CCDC102B: variants seen among roughly 807,000 people sequenced by gnomAD.
The protein encoded by CCDC102B is coiled-coil domain containing 102B.
Under a neutral mutation model 57.4 loss-of-function variants are expected in CCDC102B, and 75 were observed. The observed-to-expected ratio is 1.31, with a 90% CI of 1.08 to 1.58. CCDC102B has a LOEUF of 1.58. Ranked by LOEUF, CCDC102B falls within the 40% of genes most tolerant of loss-of-function variation. The pLI, the probability that CCDC102B is intolerant of heterozygous loss-of-function variation, is 0.00. For missense variants in CCDC102B, 636 were observed against 582.6 expected, an observed-to-expected ratio of 1.09 and a Z score of -0.94; for synonymous variants, 206 against 201.9, an observed-to-expected ratio of 1.02 and a Z score of -0.17.
chr18:68,843,064 C>A (rs1011228249), intron 3 of CCDC102B, among the ~76,000 whole-genome samples: 2 of 152,118 alleles, frequency 1.3e-5, no homozygotes, highest in South Asian at 2.1e-4. Context: ...AAACACTTAT[C>A]TTTTCTAATT....
chr18:68,854,597 A>G (rs35680776), intron 4 of CCDC102B, among the ~76,000 whole-genome samples: 44,337 of 152,082 alleles, frequency 0.29, 6,903 homozygotes, highest in Non-Finnish European at 0.34. Context: ...TGCAGAAGTG[A>G]TTATACACAC....
intron 4 of CCDC102B, among the ~76,000 whole-genome samples, chr18:68,850,913 C>A (rs1468854931): frequency 6.6e-6 from 1 of 152,078 alleles, no homozygotes; most frequent in East Asian, 1.9e-4. Flanking sequence ...AAAAAATAGT[C>A]TCTGTCCAAA....
At chr18:68,968,239 T>A (rs753995699) in intron 6 of CCDC102B, among the ~76,000 whole-genome samples, 14 of 152,216 alleles carry the variant, frequency 9.2e-5, no homozygotes, top group Non-Finnish European at 2.1e-4. Context: ...CTGGGTAAAG[T>A]CATATTTCTG....
intron 2 of CCDC102B, among the ~76,000 whole-genome samples, chr18:68,790,624 C>A (rs200523359): frequency 3.3e-5 from 5 of 152,080 alleles, no homozygotes; most frequent in Non-Finnish European, 7.4e-5. Context: ...TTCTTTGACT[C>A]GGAAAGGGAA....
intron 7 of CCDC102B, among the ~76,000 whole-genome samples, chr18:69,017,236 C>A (rs1349308859): frequency 2.0e-5 from 3 of 152,096 alleles, no homozygotes; most frequent in Admixed American, 6.5e-5. Flanking sequence ...CCACCTCAGC[C>A]CCGCAAATAG....
chr18:69,040,162 A>G (rs541239770), intron 7 of CCDC102B, among the ~76,000 whole-genome samples: 75 of 152,106 alleles, frequency 4.9e-4, no homozygotes, highest in Middle Eastern at 6.8e-3. Context: ...TTTCAACTGC[A>G]GATCCTATGA....
intron 4 of CCDC102B, among the ~76,000 whole-genome samples, chr18:68,874,212 G>GTGTATA (rs1235797400): frequency 9.4e-4 from 114 of 120,666 alleles, no homozygotes; most frequent in African/African-American, 3.3e-3. Flanking sequence ...GTGTGTGTGT[G>GTGTATA]TATATATATA....
intron 1 of CCDC102B, among the ~76,000 whole-genome samples, chr18:68,836,449 G>A (rs2144784530): frequency 6.6e-6 from 1 of 152,048 alleles, no homozygotes; most frequent in Middle Eastern, 3.4e-3. Context: ...CCAACATGGT[G>A]AAACCCCATC....
intron 5 of CCDC102B, among the ~76,000 whole-genome samples, chr18:68,896,551 AAGGC>A (rs1236655331): frequency 2.0e-5 from 3 of 151,996 alleles, no homozygotes; most frequent in African/African-American, 7.2e-5. Context: ...ATTGTGTGTG[AAGGC>A]AGTTATAGGC....
At chr18:68,979,008 A>G (rs2050508946) in intron 6 of CCDC102B, among the ~76,000 whole-genome samples, 1 of 152,066 alleles carries the variant, frequency 6.6e-6, no homozygotes, top group South Asian at 2.1e-4. Flanking sequence ...AGACATTTCA[A>G]AAACAAGTGA....
At chr18:68,788,134 C>T (rs937162684) in intron 2 of CCDC102B, among the ~76,000 whole-genome samples, 26 of 152,004 alleles carry the variant, frequency 1.7e-4, no homozygotes, top group Admixed American at 1.1e-3. Flanking sequence ...TGTAGTTGAG[C>T]GGTTTTGAGT....
At chr18:68,804,485 A>G (rs1056134580) in intron 1 of CCDC102B, among the ~76,000 whole-genome samples, 14 of 152,186 alleles carry the variant, frequency 9.2e-5, no homozygotes, top group African/African-American at 2.4e-5. Context: ...ACCCAGAGCA[A>G]TTACCCCAGC....
At chr18:68,927,954 G>A (rs2041532588) in intron 6 of CCDC102B, among the ~76,000 whole-genome samples, 1 of 151,868 alleles carries the variant, frequency 6.6e-6, no homozygotes, top group Non-Finnish European at 1.5e-5. Context: ...CTGATTTGAA[G>A]CACACAAAAC....
intron 2 of CCDC102B, among the ~76,000 whole-genome samples, chr18:68,785,891 G>A (rs1366151332): frequency 6.6e-6 from 1 of 150,724 alleles, no homozygotes; most frequent in Non-Finnish European, 1.5e-5. Flanking sequence ...TTTTAGACAT[G>A]AAGTCCTTGC....
intron 7 of CCDC102B, among the ~76,000 whole-genome samples, chr18:69,021,059 T>A (rs2051819752): frequency 6.6e-6 from 1 of 152,242 alleles, no homozygotes; most frequent in South Asian, 2.1e-4. Flanking sequence ...TAATTCTGGC[T>A]TCACATTTTA....
intron 2 of CCDC102B, among the ~76,000 whole-genome samples, chr18:68,724,338 A>G (rs778345331): frequency 1.3e-5 from 2 of 152,210 alleles, no homozygotes; most frequent in Non-Finnish European, 2.9e-5. Context: ...TTGGCTTCTC[A>G]CTACTTATGC....
chr18:68,958,307 C>T (rs116582165), intron 6 of CCDC102B, among the ~76,000 whole-genome samples: 5,963 of 152,200 alleles, frequency 0.039, 137 homozygotes, highest in Non-Finnish European at 0.054. Context: ...ATATCAAATG[C>T]TTTTTCAGCA....
chr18:68,889,953 G>C (rs2040017365), intron 5 of CCDC102B, among the ~76,000 whole-genome samples: 1 of 152,132 alleles, frequency 6.6e-6, no homozygotes, highest in South Asian at 2.1e-4. Flanking sequence ...TGTTCATCCT[G>C]TACTTTCCTC....
intron 7 of CCDC102B, among the ~76,000 whole-genome samples, chr18:69,035,226 A>G (rs912404684): frequency 6.6e-6 from 1 of 152,092 alleles, no homozygotes; most frequent in Non-Finnish European, 1.5e-5. Context: ...ATCCAACAAT[A>G]GCTTGTGTAA....
Sources: allele counts gnomAD v4.1 joint callset (sites outside exome capture counted in the v4.1 genomes callset), GRCh38; gene constraint gnomAD v4.1.1; transcripts MANE v1.5; gene names NCBI Gene and HGNC (gene_info 2026-07-23, HGNC 2026-07-21).